SLC14A2: variants seen among roughly 807,000 people sequenced by gnomAD.
SLC14A2 encodes the protein urea transporter 2.
In SLC14A2, 91 loss-of-function variants were observed where a neutral mutation model predicts 104.6. That is an observed-to-expected ratio of 0.87 (90% CI 0.73 to 1.04). SLC14A2 has a LOEUF of 1.04. Among genes scored for constraint, SLC14A2 ranks in the 50% least tolerant of loss-of-function variants. SLC14A2 has a pLI of 0.00. For synonymous variants in SLC14A2, 476 were observed against 466.4 expected (o/e 1.02, Z -0.27); for missense variants, 1,189 against 1,156.0 (o/e 1.03, Z -0.41).
At chr18:45,592,714 G>A (rs1235163184) in intron 2 of SLC14A2, among the ~76,000 whole-genome samples, 2 of 152,340 alleles carry the variant, frequency 1.3e-5, no homozygotes, top group Non-Finnish European at 2.9e-5. Flanking sequence ...GCTGTCTCTG[G>A]CAATGGGAAG....
intron 1 of SLC14A2, among the ~76,000 whole-genome samples, chr18:45,247,430 C>G (rs2084377642): frequency 6.6e-6 from 1 of 152,190 alleles, no homozygotes; most frequent in African/African-American, 2.4e-5. Context: ...GGACCTATGA[C>G]CTAAACATCC....
intron 1 of SLC14A2, among the ~76,000 whole-genome samples, chr18:45,317,486 C>T (rs886238340): frequency 6.6e-6 from 1 of 152,074 alleles, no homozygotes; most frequent in East Asian, 1.9e-4. Context: ...AGAGAAAGAT[C>T]CATGAGAGAG....
chr18:45,428,478 C>T (rs138998349), intron 1 of SLC14A2, among the ~76,000 whole-genome samples: 5 of 152,128 alleles, frequency 3.3e-5, no homozygotes, highest in African/African-American at 1.2e-4. Context: ...AGAGAGGGTG[C>T]TAACATGAAC....
At chr18:45,471,958 A>G (rs916192249) in intron 1 of SLC14A2, among the ~76,000 whole-genome samples, 1 of 152,054 alleles carries the variant, frequency 6.6e-6, no homozygotes, top group African/African-American at 2.4e-5. Context: ...TACACGTGCC[A>G]TGGTGGTTTG....
At chr18:45,615,118 C>T (rs2045040880), upstream of SLC14A2, 1 of 152,190 alleles carries the variant, frequency 6.6e-6, no homozygotes, top group South Asian at 2.1e-4. Flanking sequence ...ATTTTACTGG[C>T]TCATAGGTGG....
At chr18:45,267,186 G>A (rs1021496555) in intron 1 of SLC14A2, among the ~76,000 whole-genome samples, 2 of 152,134 alleles carry the variant, frequency 1.3e-5, no homozygotes, top group South Asian at 2.1e-4. Context: ...GTAGAGTCAC[G>A]TTTTCAAACA....
At chr18:45,364,522 C>A (rs148760218) in intron 1 of SLC14A2, among the ~76,000 whole-genome samples, 53 of 152,166 alleles carry the variant, frequency 3.5e-4, no homozygotes, top group Admixed American at 6.5e-4. Context: ...ATATATACAC[C>A]TATGTATACA....
At chr18:45,240,812 T>C (rs919446412) in intron 1 of SLC14A2, among the ~76,000 whole-genome samples, 3 of 151,750 alleles carry the variant, frequency 2.0e-5, no homozygotes, top group African/African-American at 7.3e-5. Context: ...TGCCCGCCAC[T>C]ATGCCCGGCT....
At chr18:45,557,210 G>A (rs1229948848) in intron 2 of SLC14A2, among the ~76,000 whole-genome samples, 3 of 152,194 alleles carry the variant, frequency 2.0e-5, no homozygotes, top group Non-Finnish European at 1.5e-5. Context: ...ATAGACATTT[G>A]ACTGCTGCAG....
At chr18:45,386,617 C>G (rs1224070211) in intron 1 of SLC14A2, among the ~76,000 whole-genome samples, 1 of 152,226 alleles carries the variant, frequency 6.6e-6, no homozygotes, top group African/African-American at 2.4e-5. Context: ...CCTGCTAACA[C>G]ATAGCGCAGA....
chr18:45,269,262 A>C (rs1211633164), intron 1 of SLC14A2, among the ~76,000 whole-genome samples: 1 of 152,070 alleles, frequency 6.6e-6, no homozygotes, highest in Non-Finnish European at 1.5e-5. Context: ...CCTAAAGGAC[A>C]TTCCTCTGGT....
intron 2 of SLC14A2, among the ~76,000 whole-genome samples, chr18:45,606,617 C>T (rs1204443532): frequency 8.5e-5 from 1 of 11,790 alleles, no homozygotes; most frequent in Non-Finnish European, 1.8e-4. Context: ...GGCAAGAAAA[C>T]ATATGCCCAT....
At chr18:45,304,655 A>G (rs992163538) in intron 1 of SLC14A2, among the ~76,000 whole-genome samples, 11 of 152,232 alleles carry the variant, frequency 7.2e-5, no homozygotes, top group Non-Finnish European at 1.6e-4. Context: ...AGCAATGAAT[A>G]GAATATCTAT....
chr18:45,456,234 C>CAGAGGA (rs1223915333), intron 1 of SLC14A2, among the ~76,000 whole-genome samples: 4 of 152,226 alleles, frequency 2.6e-5, no homozygotes, highest in African/African-American at 7.2e-5. Context: ...CAGGGCTAGG[C>CAGAGGA]AGAGGAAGAG....
At chr18:45,355,174 C>T (rs890094486) in intron 1 of SLC14A2, among the ~76,000 whole-genome samples, 15 of 152,076 alleles carry the variant, frequency 9.9e-5, no homozygotes, top group Middle Eastern at 3.2e-3. Flanking sequence ...ATTGACCTTT[C>T]GCAAGGAGAC....
chr18:45,399,111 A>G (rs1246111849), intron 1 of SLC14A2, among the ~76,000 whole-genome samples: 10 of 152,188 alleles, frequency 6.6e-5, no homozygotes, highest in African/African-American at 2.4e-4. Flanking sequence ...ATTGCCCCCA[A>G]TATTGAGATG....
chr18:45,553,233 A>G (rs2044080460), intron 2 of SLC14A2, among the ~76,000 whole-genome samples: 1 of 152,258 alleles, frequency 6.6e-6, no homozygotes, highest in African/African-American at 2.4e-5. Flanking sequence ...CACAATGTTC[A>G]TAGCCCAACA....
At chr18:45,349,902 C>T (rs1221625980) in intron 1 of SLC14A2, among the ~76,000 whole-genome samples, 1 of 152,224 alleles carries the variant, frequency 6.6e-6, no homozygotes, top group East Asian at 1.9e-4. Flanking sequence ...TGTCTAAATG[C>T]ATCAATGGCA....
intron 2 of SLC14A2, among the ~76,000 whole-genome samples, chr18:45,508,135 C>T (rs72912692): frequency 0.09 from 13,701 of 152,298 alleles, 763 homozygotes; most frequent in Non-Finnish European, 0.12. Flanking sequence ...CTGCGTAGAT[C>T]TCATGTTCTA....
Sources: allele counts gnomAD v4.1 joint callset (sites outside exome capture counted in the v4.1 genomes callset), GRCh38; gene constraint gnomAD v4.1.1; transcripts MANE v1.5; gene names NCBI Gene and HGNC (gene_info 2026-07-23, HGNC 2026-07-21).